SYNPR: variants seen among roughly 807,000 people sequenced by gnomAD.
The protein encoded by SYNPR is synaptoporin.
In SYNPR, 23 loss-of-function variants were observed where a neutral mutation model predicts 32.9. That is an observed-to-expected ratio of 0.70 (90% CI 0.50 to 0.99). SYNPR has a LOEUF of 0.99. SYNPR is among the 50% of genes least tolerant of loss of function. SYNPR has a pLI of 0.00. For missense variants in SYNPR, 318 were observed against 349.3 expected (o/e 0.91, Z 0.71); for synonymous variants, 146 against 135.9 (o/e 1.07, Z -0.52).
intron 2 of SYNPR, among the ~76,000 whole-genome samples, chr3:63,334,558 G>GTGTGTGTGTGTGTGT (rs1491542549): frequency 6.9e-6 from 1 of 144,302 alleles, no homozygotes; most frequent in Admixed American, 7.0e-5. Context: ...GTGTGTGTGT[G>GTGTGTGTGTGTGTGT]GACACACGTG....
chr3:63,416,659 T>C (rs2088545137), intron 2 of SYNPR, among the ~76,000 whole-genome samples: 1 of 150,320 alleles, frequency 6.7e-6, no homozygotes, highest in Non-Finnish European at 1.5e-5. Flanking sequence ...GAAAAAGAGG[T>C]TTAATGGAGT....
intron 2 of SYNPR, among the ~76,000 whole-genome samples, chr3:63,331,871 C>T (rs983315220): frequency 6.6e-6 from 1 of 152,114 alleles, no homozygotes; most frequent in African/African-American, 2.4e-5. Context: ...AGGCTGTGTG[C>T]CAGGAGCTGA....
At chr3:63,505,560 T>C (rs888652875) in intron 3 of SYNPR, among the ~76,000 whole-genome samples, 5 of 152,128 alleles carry the variant, frequency 3.3e-5, no homozygotes, top group South Asian at 2.1e-4. Flanking sequence ...ATTATTTGAA[T>C]GTATGGGTTA....
chr3:63,434,110 C>A (rs150384466), intron 2 of SYNPR, among the ~76,000 whole-genome samples: 1 of 152,130 alleles, frequency 6.6e-6, no homozygotes, highest in African/African-American at 2.4e-5. Flanking sequence ...GTTTCATAAA[C>A]TACATGGGGA....
At chr3:63,471,869 A>T (rs1335175811) in intron 2 of SYNPR, among the ~76,000 whole-genome samples, 2 of 152,220 alleles carry the variant, frequency 1.3e-5, no homozygotes, top group Admixed American at 6.5e-5. Flanking sequence ...GTGAAGCTGC[A>T]TGAAAGTGAG....
At position 63,431,867 on chromosome 3, in the gene SYNPR, A is replaced by G. The variant is rs1228100040; in HGVS notation, c.85-48965A>G. Among the ~76,000 whole-genome samples, 3 of 145,302 alleles carry G rather than the reference A, an allele frequency of 2.1e-5. No homozygotes were observed. The East Asian group carries it at 6.1e-4, about 30-fold the overall frequency. ...TTTTTTTCTTCCCTGTTTGTGACTT[A>G]GACCTTTCCAAAGCCCCTGTATGCA... On this transcript the variant is annotated intron_variant, in intron 2 of 5. Transcript: ENST00000478300.
chr3:63,264,478 C>G (rs905317813), intron 2 of SYNPR, among the ~76,000 whole-genome samples: 22 of 152,154 alleles, frequency 1.4e-4, no homozygotes, highest in African/African-American at 5.3e-4. Flanking sequence ...AGAAAGTGCT[C>G]TATATGAAGG....
At chr3:63,372,436 C>A (rs2087828154) in intron 2 of SYNPR, among the ~76,000 whole-genome samples, 1 of 152,184 alleles carries the variant, frequency 6.6e-6, no homozygotes, top group Non-Finnish European at 1.5e-5. Context: ...CCTTTGCTGC[C>A]CCTGGATTGG....
chr3:63,367,155 G>A (rs2087736571), intron 2 of SYNPR, among the ~76,000 whole-genome samples: 1 of 152,122 alleles, frequency 6.6e-6, no homozygotes. Flanking sequence ...ATTTGAGATT[G>A]TTGAGATATT....
chr3:63,254,377 G>A (rs1229496959), intron 2 of SYNPR, among the ~76,000 whole-genome samples: 1 of 152,034 alleles, frequency 6.6e-6, no homozygotes, highest in Non-Finnish European at 1.5e-5. Flanking sequence ...TAAAACTGTA[G>A]GTCAAGATCT....
intron 2 of SYNPR, among the ~76,000 whole-genome samples, chr3:63,422,373 A>G (rs987456921): frequency 6.6e-6 from 1 of 152,218 alleles, no homozygotes; most frequent in Non-Finnish European, 1.5e-5. Context: ...AAAAAAAAAT[A>G]CTATTTTAAG....
chr3:63,610,759 A>G (rs1316900175), intron 5 of SYNPR, among the ~76,000 whole-genome samples: 1 of 152,232 alleles, frequency 6.6e-6, no homozygotes, highest in Non-Finnish European at 1.5e-5. Context: ...AAATTGCTTG[A>G]TATGTTTGTT....
chr3:63,523,830 T>C (rs72887349), intron 3 of SYNPR, among the ~76,000 whole-genome samples: 5,334 of 152,240 alleles, frequency 0.035, 294 homozygotes, highest in African/African-American at 0.12. Context: ...CTATTAGGTG[T>C]TTTATTTCCC....
intron 1 of SYNPR, among the ~76,000 whole-genome samples, chr3:63,233,131 A>G (rs2086178042): frequency 6.6e-6 from 1 of 152,204 alleles, no homozygotes; most frequent in East Asian, 1.9e-4. Flanking sequence ...AAGTGGTTAA[A>G]CACACAGCCT....
chr3:63,313,533 C>T (rs2086992109), intron 2 of SYNPR, among the ~76,000 whole-genome samples: 1 of 150,260 alleles, frequency 6.7e-6, no homozygotes, highest in African/African-American at 2.4e-5. Context: ...ACTGCAAATG[C>T]TGTTAATTCA....
At chr3:63,390,315 T>C (rs2088114877) in intron 2 of SYNPR, among the ~76,000 whole-genome samples, 1 of 152,180 alleles carries the variant, frequency 6.6e-6, no homozygotes. Context: ...AGGTGGCTGT[T>C]AAGTACATCA....
At chr3:63,374,102 C>T (rs561991613) in intron 2 of SYNPR, among the ~76,000 whole-genome samples, 1 of 152,098 alleles carries the variant, frequency 6.6e-6, no homozygotes, top group Non-Finnish European at 1.5e-5. Context: ...AAGGAAAGGC[C>T]AATACCAGCC....
intron 2 of SYNPR, among the ~76,000 whole-genome samples, chr3:63,347,961 A>G (rs534149334): frequency 6.6e-6 from 1 of 151,598 alleles, no homozygotes; most frequent in Non-Finnish European, 1.5e-5. Context: ...CTGTTGCTGG[A>G]CACTTAAGTT....
Position 63,480,902 on chromosome 3 carries a change from TCAA to T in SYNPR, c.159_161del (p.Asn53del). On this transcript the variant is annotated inframe_deletion, in exon 3 of 6. Transcript: ENST00000478300. ...GGCCTGCGGCTGAGTGTGGACTGCGTCAACAAGACAGAAAGTAACCTCAGCATC... is the reference window on the plus strand; with the variant it reads ...GGCCTGCGGCTGAGTGTGGACTGCGTCAAGACAGAAAGTAACCTCAGCATC... 1 of 1,613,636 alleles carries T rather than the reference TCAA, an allele frequency of 6.2e-7. No individual in the cohort carries two copies. Among genetic ancestry groups the T allele is most frequent in the Non-Finnish European group, 8.5e-7 (1 of 1,179,630 alleles).
Sources: gnomAD v4.1 joint callset for allele counts (sites outside exome capture counted in the v4.1 genomes callset) on GRCh38, gnomAD v4.1.1 for gene constraint, MANE v1.5 for transcripts, NCBI Gene and HGNC (gene_info 2026-07-23, HGNC 2026-07-21) for gene names.